Variants in UNC5D observed in about 807,000 individuals in gnomAD.
UNC5D encodes netrin receptor UNC5D.
In UNC5D, 39 loss-of-function variants were observed where a neutral mutation model predicts 105.4. That is an observed-to-expected ratio of 0.37 (90% CI 0.29 to 0.48). The LOEUF is 0.48. UNC5D is among the 20% of genes least tolerant of loss of function. UNC5D has a pLI of 0.98. For missense variants in UNC5D, 991 were observed against 1,202.4 expected, an observed-to-expected ratio of 0.82 and a Z score of 2.60; for synonymous variants, 452 against 450.4, an observed-to-expected ratio of 1.00 and a Z score of -0.04.
intron 1 of UNC5D, among the ~76,000 whole-genome samples, chr8:35,427,649 G>A (rs1044340561): frequency 3.9e-5 from 6 of 152,072 alleles, no homozygotes; most frequent in African/African-American, 1.4e-4. Flanking sequence ...ATTTCAGTTC[G>A]GATCTTTCCT....
chr8:35,787,140 TAC>T (rs1276527142), intron 16 of UNC5D, among the ~76,000 whole-genome samples: 1 of 152,232 alleles, frequency 6.6e-6, no homozygotes, highest in African/African-American at 2.4e-5. Context: ...TCTGGTCATT[TAC>T]AGAGAAAGTT....
chr8:35,250,112 T>C (rs975759812), intron 1 of UNC5D, among the ~76,000 whole-genome samples: 2 of 152,190 alleles, frequency 1.3e-5, no homozygotes, highest in African/African-American at 2.4e-5. Flanking sequence ...AAATGTTTAA[T>C]GTAACCCTTG....
intron 1 of UNC5D, among the ~76,000 whole-genome samples, chr8:35,515,663 C>A (rs1255969046): frequency 2.0e-5 from 3 of 152,098 alleles, no homozygotes; most frequent in Non-Finnish European, 2.9e-5. Flanking sequence ...GCAGCCTGGG[C>A]AACAAAATGA....
At chr8:35,448,872 T>C (rs1807966896) in intron 1 of UNC5D, among the ~76,000 whole-genome samples, 1 of 152,170 alleles carries the variant, frequency 6.6e-6, no homozygotes, top group Admixed American at 6.6e-5. Context: ...TATTTGACTT[T>C]GTTTTTTAAT....
chr8:35,664,098 T>G (rs1306030263), intron 4 of UNC5D, among the ~76,000 whole-genome samples: 1 of 152,184 alleles, frequency 6.6e-6, no homozygotes, highest in Non-Finnish European at 1.5e-5. Context: ...TGTACTCCAC[T>G]TACTGAACAC....
intron 4 of UNC5D, among the ~76,000 whole-genome samples, chr8:35,666,981 G>A (rs1018813997): frequency 3.3e-5 from 5 of 152,036 alleles, no homozygotes; most frequent in Admixed American, 2.6e-4. Flanking sequence ...GGTAAAATGT[G>A]GTATGAGACT....
chr8:35,746,281 C>T lies in UNC5D; in HGVS notation c.1767-2246C>T, dbSNP rs138443372. Among the ~76,000 whole-genome samples, 36 of 152,172 alleles carry T rather than the reference C, an allele frequency of 2.4e-4. No homozygotes were observed. In the East Asian group the frequency reaches 4.5e-3, roughly 19 times the overall value. ...GTTAACACCTGCCTCTATAGGTGTG[C>T]GAAGAGCTTTAATTAATATTTGTAA... On this transcript the variant is annotated intron_variant, in intron 11 of 16. Coordinates refer to ENST00000404895, the MANE Select transcript of UNC5D (RefSeq NM_080872.4).
rs540197712 is a variant in UNC5D at position 35,468,599 on chromosome 8, C to A, written c.104-80693C>A. On this transcript the variant is annotated intron_variant, in intron 1 of 16. Transcript: ENST00000404895. Reference sequence around the variant, plus strand: ...CTCTGTCTCCTTGAGTTATTACATTCATGTTTAAACGTGGAGGACAGAATT... The same window carrying A: ...CTCTGTCTCCTTGAGTTATTACATTAATGTTTAAACGTGGAGGACAGAATT... Among the ~76,000 whole-genome samples the A allele has an allele frequency of 1.3e-4, 20 of 152,268 alleles. 1 individual carries two copies. Among genetic ancestry groups the A allele is most frequent in the Non-Finnish European group, 2.4e-4 (16 of 68,026 alleles).
chr8:35,357,126 C>T (rs1387355621), intron 1 of UNC5D, among the ~76,000 whole-genome samples: 6 of 152,066 alleles, frequency 3.9e-5, no homozygotes, highest in Admixed American at 2.0e-4. Context: ...TAATTGATTT[C>T]CCTGTTAACC....
intron 1 of UNC5D, among the ~76,000 whole-genome samples, chr8:35,395,870 G>A (rs1020700021): frequency 2.6e-5 from 4 of 152,104 alleles, no homozygotes; most frequent in East Asian, 3.9e-4. Flanking sequence ...ATTCAAACTC[G>A]ATTCTTCAGC....
intron 1 of UNC5D, among the ~76,000 whole-genome samples, chr8:35,383,564 C>T (rs865874027): frequency 6.6e-5 from 10 of 152,280 alleles, no homozygotes; most frequent in Middle Eastern, 6.8e-3. Flanking sequence ...GATAAAGAGC[C>T]TCTAAGGTAG....
chr8:35,592,961 C>T (rs1819263165), intron 3 of UNC5D, among the ~76,000 whole-genome samples: 1 of 151,126 alleles, frequency 6.6e-6, no homozygotes, highest in Admixed American at 6.6e-5. Context: ...CCCAATCTTG[C>T]CTATGTGAGA....
chr8:35,239,232 C>T (rs1802655975), intron 1 of UNC5D, among the ~76,000 whole-genome samples: 1 of 152,152 alleles, frequency 6.6e-6, no homozygotes, highest in African/African-American at 2.4e-5. Flanking sequence ...TAAGTAGTAC[C>T]TCACAGGGGA....
At chr8:35,280,452 T>A (rs1806069070) in intron 1 of UNC5D, among the ~76,000 whole-genome samples, 1 of 152,214 alleles carries the variant, frequency 6.6e-6, no homozygotes, top group Admixed American at 6.5e-5. Flanking sequence ...AGAGTTAAGT[T>A]TACAAATATT....
chr8:35,643,463 C>G (rs555589882), intron 4 of UNC5D, among the ~76,000 whole-genome samples: 1 of 152,228 alleles, frequency 6.6e-6, no homozygotes, highest in African/African-American at 2.4e-5. Context: ...ACTACAGGCA[C>G]ATGCCACCAC....
At chr8:35,402,714 G>A (rs1236501985) in intron 1 of UNC5D, among the ~76,000 whole-genome samples, 1 of 152,082 alleles carries the variant, frequency 6.6e-6, no homozygotes, top group Non-Finnish European at 1.5e-5. Context: ...TTCTGCAGTA[G>A]GATGCTTAGT....
rs1434542487 is a variant in UNC5D, at chr8:35,794,180, A to G, written c.*3617A>G. 2 of 152,134 alleles carry G rather than the reference A, an allele frequency of 1.3e-5. No individual in the cohort carries two copies. The highest frequency in any genetic ancestry group is 2.4e-5 in the African/African-American group (1 of 41,440). The allele number at this position is 152,134 out of a possible 1,614,324, so 9.4% of individuals were successfully genotyped here. A position where few individuals can be genotyped will look rare whatever the true frequency, so the allele number is the denominator to read the frequency against. ...TTGATATGCTTTTGTTTTTCCTTTT[A>G]GCCATTTTCTCTTCAATTTCTTAGT... On this transcript the variant is annotated 3_prime_UTR_variant, in exon 17 of 17. Coordinates refer to ENST00000404895, the MANE Select transcript of UNC5D (RefSeq NM_080872.4).
chr8:35,482,175 C>T (rs938268415), intron 1 of UNC5D, among the ~76,000 whole-genome samples: 1 of 152,118 alleles, frequency 6.6e-6, no homozygotes, highest in Non-Finnish European at 1.5e-5. Flanking sequence ...CCTTTTAATA[C>T]CCACATCATA....
intron 4 of UNC5D, among the ~76,000 whole-genome samples, chr8:35,607,604 G>A (rs1463111989): frequency 6.6e-6 from 1 of 152,166 alleles, no homozygotes; most frequent in East Asian, 1.9e-4. Context: ...ATTGAATCAT[G>A]TGGACAGTTT....
Sources: gnomAD v4.1 joint callset for allele counts (sites outside exome capture counted in the v4.1 genomes callset) on GRCh38, gnomAD v4.1.1 for gene constraint, MANE v1.5 for transcripts, NCBI Gene and HGNC (gene_info 2026-07-23, HGNC 2026-07-21) for gene names.